Variants in TAFA1 observed in about 807,000 individuals in gnomAD.
TAFA1 encodes the protein chemokine-like protein TAFA-1.
Under a neutral mutation model 18.5 loss-of-function variants are expected in TAFA1, and 4 were observed. The ratio of observed to expected loss-of-function variants is 0.22; its 90% CI spans 0.11 to 0.49. The LOEUF (loss-of-function observed/expected upper bound fraction) is 0.49, where lower values mean the gene tolerates loss of function less well. Among genes scored for constraint, TAFA1 ranks in the 20% least tolerant of loss-of-function variants. TAFA1 has a pLI of 0.98. For missense variants in TAFA1, 147 were observed against 169.0 expected, an observed-to-expected ratio of 0.87 and a Z score of 0.72; for synonymous variants, 56 against 55.2, an observed-to-expected ratio of 1.01 and a Z score of -0.06.
chr3:68,194,438 C>T (rs552881030), intron 2 of TAFA1, among the ~76,000 whole-genome samples: 1 of 151,680 alleles, frequency 6.6e-6, no homozygotes, highest in Non-Finnish European at 1.5e-5. Flanking sequence ...ACTAACCAGA[C>T]AATTTTCTTT....
At chr3:68,208,940 T>G (rs893513725) in intron 2 of TAFA1, among the ~76,000 whole-genome samples, 1 of 151,924 alleles carries the variant, frequency 6.6e-6, no homozygotes, top group African/African-American at 2.4e-5. Context: ...ACAAAATGTC[T>G]AAGAAATTCC....
At chr3:68,398,455 A>G (rs915611808) in intron 2 of TAFA1, among the ~76,000 whole-genome samples, 2 of 152,114 alleles carry the variant, frequency 1.3e-5, no homozygotes, top group Non-Finnish European at 2.9e-5. Flanking sequence ...AAAACCTAAA[A>G]CCATAAAAAC....
intron 2 of TAFA1, among the ~76,000 whole-genome samples, chr3:68,144,656 C>T (rs1168236484): frequency 6.6e-6 from 1 of 152,170 alleles, no homozygotes; most frequent in Non-Finnish European, 1.5e-5. Context: ...AATATGTTTC[C>T]TGGCCACACC....
intron 2 of TAFA1, among the ~76,000 whole-genome samples, chr3:68,130,339 G>A (rs2106879892): frequency 6.6e-6 from 1 of 152,262 alleles, no homozygotes; most frequent in South Asian, 2.1e-4. Flanking sequence ...TGGGGCAGTG[G>A]AGCCTTTGGG....
chr3:68,526,206 G>T (rs1056800771), intron 3 of TAFA1, among the ~76,000 whole-genome samples: 3 of 152,174 alleles, frequency 2.0e-5, no homozygotes, highest in Non-Finnish European at 4.4e-5. Flanking sequence ...CTCCCTGGGA[G>T]TTTGAACTTC....
chr3:68,079,687 A>G (rs2064871860), intron 2 of TAFA1, among the ~76,000 whole-genome samples: 1 of 152,164 alleles, frequency 6.6e-6, no homozygotes, highest in African/African-American at 2.4e-5. Context: ...ACAGTTTGTT[A>G]TAACTTGTGT....
intron 2 of TAFA1, among the ~76,000 whole-genome samples, chr3:68,416,477 G>C (rs1449624780): frequency 2.0e-5 from 3 of 152,168 alleles, no homozygotes; most frequent in African/African-American, 7.2e-5. Context: ...CTGGTTTCTG[G>C]TCACTTGATG....
intron 2 of TAFA1, among the ~76,000 whole-genome samples, chr3:68,016,219 G>A (rs1704567104): frequency 6.6e-6 from 1 of 152,098 alleles, no homozygotes; most frequent in South Asian, 2.1e-4. Context: ...CTTAATTGTG[G>A]TTCAGAAAAT....
intron 2 of TAFA1, among the ~76,000 whole-genome samples, chr3:68,072,359 G>A (rs1331728722): frequency 2.0e-5 from 3 of 152,156 alleles, no homozygotes; most frequent in Non-Finnish European, 4.4e-5. Context: ...AGGTTGTGAA[G>A]GTCCTTGAGT....
At chr3:68,405,965 G>T (rs994696764) in intron 2 of TAFA1, among the ~76,000 whole-genome samples, 1 of 151,810 alleles carries the variant, frequency 6.6e-6, no homozygotes. Context: ...CTTATTTATA[G>T]TATACCTACT....
chr3:68,047,685 A>C (rs1481984050), intron 2 of TAFA1, among the ~76,000 whole-genome samples: 2 of 152,178 alleles, frequency 1.3e-5, no homozygotes, highest in African/African-American at 4.8e-5. Context: ...GGCAATATTT[A>C]CATCTATGGA....
chr3:68,124,327 G>T (rs116084361), intron 2 of TAFA1, among the ~76,000 whole-genome samples: 1 of 152,100 alleles, frequency 6.6e-6, no homozygotes, highest in Admixed American at 6.5e-5. Context: ...TGTACTTTCT[G>T]AGAAAACTTC....
intron 4 of TAFA1, among the ~76,000 whole-genome samples, chr3:68,542,651 G>A (rs2073395895): frequency 6.6e-6 from 1 of 152,108 alleles, no homozygotes; most frequent in South Asian, 2.1e-4. Context: ...CTAGAGGTAG[G>A]TCTGTGCCTT....
chr3:68,114,385 A>G (rs2065300964), intron 2 of TAFA1, among the ~76,000 whole-genome samples: 1 of 152,206 alleles, frequency 6.6e-6, no homozygotes, highest in Non-Finnish European at 1.5e-5. Context: ...TAAGTTGTAG[A>G]ATAGTTTGTC....
At chr3:68,418,783 G>A (rs1002514400) in intron 3 of TAFA1, among the ~76,000 whole-genome samples, 2 of 152,142 alleles carry the variant, frequency 1.3e-5, no homozygotes, top group Admixed American at 1.3e-4. Context: ...ATCAAACCCT[G>A]TGCTAAACAC....
At chr3:68,006,962 G>A (rs1416214135) in intron 2 of TAFA1, among the ~76,000 whole-genome samples, 3 of 151,624 alleles carry the variant, frequency 2.0e-5, no homozygotes, top group Non-Finnish European at 4.4e-5. Flanking sequence ...GTTTTTCTAA[G>A]TGTCACCCCA....
At chr3:68,176,522 A>G (rs1357781998) in intron 2 of TAFA1, among the ~76,000 whole-genome samples, 1 of 152,186 alleles carries the variant, frequency 6.6e-6, no homozygotes, top group East Asian at 1.9e-4. Context: ...CTCCCCTATA[A>G]TTTTGATGAA....
intron 2 of TAFA1, among the ~76,000 whole-genome samples, chr3:68,123,631 A>G (rs2065427500): frequency 6.6e-6 from 1 of 152,094 alleles, no homozygotes; most frequent in Admixed American, 6.5e-5. Context: ...GCATGATTTC[A>G]TCTCTTCCCA....
chr3:68,120,197 CT>C (rs1491496964), intron 2 of TAFA1, among the ~76,000 whole-genome samples: 1 of 79,416 alleles, frequency 1.3e-5, no homozygotes, highest in African/African-American at 5.6e-5. Context: ...TTCTTTCTTT[CT>C]TTCTTTCTTT....
Sources: gnomAD v4.1 joint callset for allele counts (sites outside exome capture counted in the v4.1 genomes callset) on GRCh38, gnomAD v4.1.1 for gene constraint, MANE v1.5 for transcripts, NCBI Gene and HGNC (gene_info 2026-07-23, HGNC 2026-07-21) for gene names.